CRYL1: variants seen among roughly 807,000 people sequenced by gnomAD.
CRYL1 encodes lambda-crystallin homolog.
In CRYL1, 29 loss-of-function variants were observed where a neutral mutation model predicts 36.6. The ratio of observed to expected loss-of-function variants is 0.79; its 90% CI spans 0.59 to 1.08. The LOEUF (loss-of-function observed/expected upper bound fraction) is 1.08. Ranked by LOEUF, CRYL1 falls within the 50% of genes least tolerant of loss-of-function variation. CRYL1 has a pLI of 0.00. For synonymous variants in CRYL1, 152 were observed against 151.5 expected (o/e 1.00, Z -0.02); for missense variants, 411 against 407.9 (o/e 1.01, Z -0.06).
At chr13:20,428,810 C>T (rs1437595497) in intron 5 of CRYL1, among the ~76,000 whole-genome samples, 1 of 152,320 alleles carries the variant, frequency 6.6e-6, no homozygotes, top group East Asian at 1.9e-4. Flanking sequence ...GACCTGCTGA[C>T]CCAGTACCCA....
intron 3 of CRYL1, among the ~76,000 whole-genome samples, chr13:20,442,967 C>T (rs980550041): frequency 6.6e-6 from 1 of 152,212 alleles, no homozygotes; most frequent in African/African-American, 2.4e-5. Context: ...TTAGACTGAT[C>T]ACTGGCTCAG....
chr13:20,438,149 G>A (rs780968272), intron 4 of CRYL1, among the ~76,000 whole-genome samples: 4 of 151,964 alleles, frequency 2.6e-5, no homozygotes, highest in Admixed American at 6.6e-5. Flanking sequence ...TCTTTCCATC[G>A]TATGTCCCAG....
At chr13:20,490,260 C>T (rs188398736) in intron 2 of CRYL1, among the ~76,000 whole-genome samples, 8 of 152,194 alleles carry the variant, frequency 5.3e-5, no homozygotes, top group Admixed American at 2.6e-4. Context: ...GGCATTGTGC[C>T]GCGTGCCTGT....
chr13:20,509,191 T>TC (rs1274704901), intron 2 of CRYL1, among the ~76,000 whole-genome samples: 2 of 118,086 alleles, frequency 1.7e-5, no homozygotes, highest in Non-Finnish European at 1.8e-5. Context: ...CAAAACTCAA[T>TC]CCCCAAAAAA....
In CRYL1 at chr13:20,435,249, A is replaced by G. The variant is rs541724067; in HGVS notation, c.439-2953T>C. On this transcript the variant is annotated intron_variant, in intron 4 of 7. Coordinates refer to ENST00000298248, the MANE Select transcript of CRYL1 (RefSeq NM_015974.3). The surrounding 1 kb of genome is among the most constrained non-coding windows in gnomAD (Gnocchi z 4.0). ...ATATTTTACCACAATTATACATTTT[A>G]AAAGTAAAAAACAGGACTTTGATCA... Among the ~76,000 whole-genome samples, 5 of 152,338 alleles carry G rather than the reference A, an allele frequency of 3.3e-5. No individual in the cohort carries two copies. Among genetic ancestry groups the G allele is most frequent in the African/African-American group, 1.2e-4 (5 of 41,580 alleles).
At chr13:20,455,277 G>A (rs1447399727) in intron 3 of CRYL1, among the ~76,000 whole-genome samples, 1 of 152,054 alleles carries the variant, frequency 6.6e-6, no homozygotes, top group Admixed American at 6.6e-5. Flanking sequence ...TAAGTCAAAG[G>A]AGGCCTACAT....
chr13:20,471,984 C>T (rs2033072127), intron 3 of CRYL1, among the ~76,000 whole-genome samples: 1 of 152,114 alleles, frequency 6.6e-6, no homozygotes, highest in African/African-American at 2.4e-5. Flanking sequence ...CCTTAGCCTC[C>T]TGAGTAGCTG....
chr13:20,505,373 A>AAAAAAAAAAAAAAAAAAAAAAAAAC (rs2033777085), intron 2 of CRYL1, among the ~76,000 whole-genome samples: 1 of 151,740 alleles, frequency 6.6e-6, no homozygotes, highest in Non-Finnish European at 1.5e-5. Context: ...AAAAAAAAAA[A>AAAAAAAAAAAAAAAAAAAAAAAAAC]AAAAAAAAAT....
At chr13:20,466,331 T>G (rs2032931628) in intron 3 of CRYL1, among the ~76,000 whole-genome samples, 1 of 152,122 alleles carries the variant, frequency 6.6e-6, no homozygotes, top group Non-Finnish European at 1.5e-5. Flanking sequence ...ATTGAAAAAA[T>G]TTTTAAGTAT....
chr13:20,511,504 C>T (rs540969591), intron 2 of CRYL1, among the ~76,000 whole-genome samples: 5 of 152,210 alleles, frequency 3.3e-5, no homozygotes, highest in African/African-American at 7.2e-5. Context: ...AAAACAACAC[C>T]AGGTTAGGGT....
At chr13:20,463,974 G>A (rs987144032) in intron 3 of CRYL1, among the ~76,000 whole-genome samples, 7 of 152,136 alleles carry the variant, frequency 4.6e-5, no homozygotes, top group African/African-American at 1.7e-4. Context: ...ACATAAAAAT[G>A]AACCAGGTGT....
chr13:20,482,978 G>C (rs2033308854), intron 3 of CRYL1, among the ~76,000 whole-genome samples: 1 of 152,144 alleles, frequency 6.6e-6, no homozygotes, highest in Non-Finnish European at 1.5e-5. Context: ...TCATGTAGGG[G>C]AGCTAAAGCA....
At chr13:20,404,490 C>G in intron 7 of CRYL1, 145 bp downstream of exon 7, 1 of 658,248 alleles carries the variant, frequency 1.5e-6, no homozygotes, top group Non-Finnish European at 2.7e-6. Flanking sequence ...GAAGTATGAA[C>G]AAAGTTATGA....
chr13:20,465,813 C>T (rs2032919911), intron 3 of CRYL1, among the ~76,000 whole-genome samples: 1 of 152,018 alleles, frequency 6.6e-6, no homozygotes, highest in African/African-American at 2.4e-5. Context: ...AAATGTGATC[C>T]CCAATGTTGG....
chr13:20,467,528 T>C (rs1386316507), intron 3 of CRYL1, among the ~76,000 whole-genome samples: 2 of 152,124 alleles, frequency 1.3e-5, no homozygotes, highest in Non-Finnish European at 2.9e-5. Context: ...AGGTTCACTT[T>C]TAAAATATCT....
intron 1 of CRYL1, among the ~76,000 whole-genome samples, chr13:20,515,345 T>C (rs1034299555): frequency 7.9e-5 from 12 of 152,228 alleles, no homozygotes; most frequent in African/African-American, 2.9e-4. Context: ...ACTGCTGTTA[T>C]TAAAAATAAA....
chr13:20,488,993 C>T (rs2033454038), intron 3 of CRYL1, among the ~76,000 whole-genome samples: 1 of 152,208 alleles, frequency 6.6e-6, no homozygotes, highest in South Asian at 2.1e-4. Context: ...TGCTCAATTA[C>T]ATATGAGAAC....
In CRYL1 at chr13:20,413,281, C is replaced by A; in HGVS notation, c.739+1G>T. The A allele has an allele frequency of 6.3e-7, 1 of 1,588,152 alleles. No individual in the cohort carries two copies. Among genetic ancestry groups the A allele is most frequent in the Non-Finnish European group, 8.6e-7 (1 of 1,158,000 alleles). ...TTCCCATCCTGGCCCCAGATGCATA[C>A]CTTCTGCATTGAGATGCATGGTTTC... On this transcript the variant is annotated splice_donor_variant, in intron 6 of 7. Coordinates refer to ENST00000298248, the MANE Select transcript of CRYL1 (RefSeq NM_015974.3). LOFTEE classifies it high-confidence loss of function.
chr13:20,412,251 T>G (rs1260711839), intron 6 of CRYL1, among the ~76,000 whole-genome samples: 1 of 151,968 alleles, frequency 6.6e-6, no homozygotes, highest in East Asian at 1.9e-4. Context: ...TCACTCCACT[T>G]CCGCCCCCAC....
Sources: allele counts gnomAD v4.1 joint callset (sites outside exome capture counted in the v4.1 genomes callset), GRCh38; gene constraint gnomAD v4.1.1; non-coding constraint Gnocchi (gnomAD v3.1); transcripts MANE v1.5; gene names NCBI Gene and HGNC (gene_info 2026-07-23, HGNC 2026-07-21).